PACRG: variants seen among roughly 807,000 people sequenced by gnomAD.
The protein encoded by PACRG is parkin coregulated gene protein.
PACRG carries 29 observed loss-of-function variants against 29.7 expected under a neutral mutation model. That is an observed-to-expected ratio of 0.98 (90% CI 0.73 to 1.33). The LOEUF (loss-of-function observed/expected upper bound fraction) is 1.33. PACRG is among the 40% of genes most tolerant of loss of function. The pLI is 0.00. For missense variants in PACRG, 279 were observed against 316.2 expected, an observed-to-expected ratio of 0.88 and a Z score of 0.89; for synonymous variants, 116 against 118.7, an observed-to-expected ratio of 0.98 and a Z score of 0.15.
rs567809038 is a variant in PACRG at position 162,941,347 on chromosome 6, C to T, written c.292-120803C>T. ...TTTGCGTCTTGTATCCAGCACATGA[C>T]GTTCCCTTCCACGTGTGCCACATGC... On this transcript the variant is annotated intron_variant, in intron 2 of 4. Transcript: ENST00000366888. 1.1e-4 allele frequency among the ~76,000 whole-genome samples: 16 copies of T among 152,292 alleles called. No individual in the cohort carries two copies. The South Asian group carries it at 1.5e-3, about 14-fold the overall frequency.
intron 4 of PACRG, among the ~76,000 whole-genome samples, chr6:163,274,423 A>G (rs12174929): frequency 0.4 from 60,117 of 152,026 alleles, 12,089 homozygotes; most frequent in African/African-American, 0.44. Context: ...TCTTAATCCA[A>G]TCTATCACTG....
chr6:163,236,151 G>A (rs59384961), intron 4 of PACRG, among the ~76,000 whole-genome samples: 62,331 of 151,630 alleles, frequency 0.41, 13,685 homozygotes, highest in African/African-American at 0.56. Context: ...TACCCTGTAT[G>A]AACCTCAGGG....
At chr6:163,096,851 A>G (rs1490430461) in intron 4 of PACRG, among the ~76,000 whole-genome samples, 1 of 152,210 alleles carries the variant, frequency 6.6e-6, no homozygotes, top group East Asian at 1.9e-4. Context: ...TTAATATCAT[A>G]ATTAACATCT....
intron 4 of PACRG, among the ~76,000 whole-genome samples, chr6:163,133,170 T>C (rs1218770847): frequency 2.0e-5 from 3 of 152,182 alleles, no homozygotes; most frequent in African/African-American, 7.2e-5. Context: ...ATGATTCTAG[T>C]CACAAGGTTG....
intron 1 of PACRG, among the ~76,000 whole-genome samples, chr6:162,778,763 G>A (rs1783849933): frequency 6.6e-6 from 1 of 152,212 alleles, no homozygotes; most frequent in South Asian, 2.1e-4. Context: ...ATACAGACCG[G>A]CAGGTGGAGC....
chr6:163,213,168 G>T (rs1431892902), intron 4 of PACRG, among the ~76,000 whole-genome samples: 1 of 152,050 alleles, frequency 6.6e-6, no homozygotes, highest in Non-Finnish European at 1.5e-5. Context: ...GAGCACAGTG[G>T]GATATATCTG....
At chr6:162,988,204 A>C (rs908877321) in intron 2 of PACRG, among the ~76,000 whole-genome samples, 1 of 152,192 alleles carries the variant, frequency 6.6e-6, no homozygotes, top group East Asian at 1.9e-4. Flanking sequence ...CCTGTCTTCT[A>C]TCTGCCATCT....
At chr6:162,996,663 T>G (rs902972174) in intron 2 of PACRG, among the ~76,000 whole-genome samples, 3 of 152,152 alleles carry the variant, frequency 2.0e-5, no homozygotes, top group Non-Finnish European at 4.4e-5. Context: ...ATGTGGAATT[T>G]ATACACACAG....
intron 1 of PACRG, among the ~76,000 whole-genome samples, chr6:162,796,360 G>T (rs1211670457): frequency 6.6e-6 from 1 of 151,902 alleles, no homozygotes; most frequent in African/African-American, 2.4e-5. Flanking sequence ...TGAGATGTTG[G>T]TCCAGGTTCT....
rs1816878206 is a variant in PACRG at position 163,135,142 on chromosome 6, T to G, written c.613+45734T>G. On this transcript the variant is annotated intron_variant, in intron 4 of 4. Coordinates refer to ENST00000366888, the MANE Select transcript of PACRG (RefSeq NM_001080379.2). The stretch of plus-strand genomic sequence containing the variant: ...CAACACGCTTTCTTATGCATCATTA[T>G]TACTTTGAGATCTGTATTTCTACAT... Among the ~76,000 whole-genome samples, 2 of 152,222 alleles carry G rather than the reference T, an allele frequency of 1.3e-5. 1 individual carries two copies. The highest frequency in any genetic ancestry group is 4.1e-4 in the South Asian group (2 of 4,832).
intron 2 of PACRG, among the ~76,000 whole-genome samples, chr6:162,874,331 T>C (rs1793106469): frequency 6.6e-6 from 1 of 152,054 alleles, no homozygotes; most frequent in African/African-American, 2.4e-5. Flanking sequence ...TGCCTACCAG[T>C]TTGTGACTTG....
intron 4 of PACRG, among the ~76,000 whole-genome samples, chr6:163,164,150 G>A (rs1274836131): frequency 6.6e-6 from 1 of 152,052 alleles, no homozygotes; most frequent in Non-Finnish European, 1.5e-5. Flanking sequence ...AAACACTGAG[G>A]CCATATCAGG....
chr6:163,005,053 G>T (rs1178271734), intron 2 of PACRG, among the ~76,000 whole-genome samples: 2 of 151,940 alleles, frequency 1.3e-5, no homozygotes, highest in Non-Finnish European at 2.9e-5. Context: ...TTTGTTTCAA[G>T]AAATTTGTCC....
intron 2 of PACRG, among the ~76,000 whole-genome samples, chr6:162,947,595 C>CATATATATATATAATCATAT (rs1799259046): frequency 5.0e-4 from 14 of 27,996 alleles, no homozygotes; most frequent in African/African-American, 1.4e-3. Context: ...TATATATAAT[C>CATATATATATATAATCATAT]ATATATATAT....
At chr6:162,900,909 C>G (rs1795515086) in intron 2 of PACRG, among the ~76,000 whole-genome samples, 1 of 152,120 alleles carries the variant, frequency 6.6e-6, no homozygotes, top group African/African-American at 2.4e-5. Context: ...CTGAAAGTAT[C>G]TTTTTGTTTG....
At chr6:163,101,203 A>T (rs1815066726) in intron 4 of PACRG, 1 of 983,616 alleles carries the variant, frequency 1.0e-6, no homozygotes, top group Non-Finnish European at 1.2e-6. Context: ...ATTTCTTGAA[A>T]GTATCTTTGT....
chr6:162,848,414 C>T (rs1033938098), intron 2 of PACRG, among the ~76,000 whole-genome samples: 2 of 152,186 alleles, frequency 1.3e-5, no homozygotes, highest in Non-Finnish European at 2.9e-5. Context: ...ACAATAGACT[C>T]ATGTTCAAAA....
At chr6:162,965,034 G>A (rs2128149888) in intron 2 of PACRG, among the ~76,000 whole-genome samples, 1 of 152,332 alleles carries the variant, frequency 6.6e-6, no homozygotes, top group South Asian at 2.1e-4. Context: ...TGCCCAGTGG[G>A]GCTGTGGCTG....
At chr6:162,830,483 C>T (rs1369848822) in intron 2 of PACRG, among the ~76,000 whole-genome samples, 2 of 152,200 alleles carry the variant, frequency 1.3e-5, no homozygotes, top group African/African-American at 4.8e-5. Context: ...GGCTGTGCTC[C>T]GATATATCAA....
Sources: gnomAD v4.1 joint callset for allele counts (sites outside exome capture counted in the v4.1 genomes callset) on GRCh38, gnomAD v4.1.1 for gene constraint, MANE v1.5 for transcripts, NCBI Gene and HGNC (gene_info 2026-07-23, HGNC 2026-07-21) for gene names.